The following ADORA1 variants were observed in gnomAD, a reference collection of about 807,000 sequenced individuals.
The protein encoded by ADORA1 is adenosine A1 receptor, also known as adenosine receptor A1.
In ADORA1, 6 loss-of-function variants were observed where a neutral mutation model predicts 19.9. The observed-to-expected ratio is 0.30, with a 90% CI of 0.17 to 0.59. The LOEUF (loss-of-function observed/expected upper bound fraction) is 0.59. ADORA1 is among the 20% of genes least tolerant of loss of function. ADORA1 has a pLI of 0.87. For synonymous variants in ADORA1, 194 were observed against 188.4 expected, an observed-to-expected ratio of 1.03 and a Z score of -0.24; for missense variants, 302 against 439.2, an observed-to-expected ratio of 0.69 and a Z score of 2.79.
chr1:203,129,148 G>T lies in ADORA1; in HGVS notation c.307G>T (p.Val103Leu). 5 of 1,613,648 alleles carry T rather than the reference G, an allele frequency of 3.1e-6. No individual in the cohort carries two copies. Among genetic ancestry groups the T allele is most frequent in the Non-Finnish European group, 2.5e-6 (3 of 1,179,778 alleles). The change falls in exon 3 of 4, where the codon GTG becomes TTG. Residue 103 changes from valine to leucine, a missense_variant. By Grantham distance (32) the Val-to-Leu change is conservative. Coordinates refer to ENST00000337894, the MANE Select transcript of ADORA1 (RefSeq NM_000674.3). The stretch of plus-strand genomic sequence containing the variant: ...CATCCTGGCCCTGCTGGCAATTGCT[G>T]TGGACCGCTACCTCCGGGTCAAGAT... Reference protein sequence around the residue: ...SSILALLAIAVDRYLRVKIPL... With the variant: ...SSILALLAIALDRYLRVKIPL...
intron 3 of ADORA1, among the ~76,000 whole-genome samples, chr1:203,138,864 G>A (rs1266924196): frequency 1.3e-5 from 2 of 152,174 alleles, no homozygotes; most frequent in Non-Finnish European, 1.5e-5. Context: ...TGTCACCCAG[G>A]CTGGAGTGTA....
Position 203,131,137 on chromosome 1 carries a change from A to G in ADORA1, c.341+1955A>G, listed in dbSNP as rs77242364. 1.9e-3 allele frequency among the ~76,000 whole-genome samples: 291 copies of G among 152,262 alleles called. 2 individuals carry two copies. Among genetic ancestry groups the G allele is most frequent in the East Asian group, 0.017 (88 of 5,194 alleles). The stretch of plus-strand genomic sequence containing the variant: ...TGCCTCATATATGCAAGCCATAGGG[A>G]GGTCTTATTTGTAGTTTTATTGTCA... On this transcript the variant is annotated intron_variant, in intron 3 of 3. Coordinates refer to ENST00000337894, the MANE Select transcript of ADORA1 (RefSeq NM_000674.3).
chr1:203,162,528 G>A (rs950458759), intron 3 of ADORA1, among the ~76,000 whole-genome samples: 4 of 152,148 alleles, frequency 2.6e-5, no homozygotes, highest in African/African-American at 9.7e-5. Context: ...TCCATAGGCT[G>A]GACGGCAGCA....
chr1:203,129,411 A>G (rs193002135), intron 3 of ADORA1, among the ~76,000 whole-genome samples: 38 of 152,210 alleles, frequency 2.5e-4, no homozygotes, highest in Non-Finnish European at 4.3e-4. Context: ...AGTGCCCATG[A>G]CCTCAGAGCT....
intron 3 of ADORA1, among the ~76,000 whole-genome samples, chr1:203,135,387 G>A (rs902775824): frequency 2.0e-5 from 3 of 152,084 alleles, no homozygotes; most frequent in Admixed American, 6.5e-5. Context: ...GGCTGGGCGC[G>A]GTGGCTCATG....
At chr1:203,139,261 G>A (rs760466340) in intron 3 of ADORA1, among the ~76,000 whole-genome samples, 6 of 152,322 alleles carry the variant, frequency 3.9e-5, no homozygotes, top group South Asian at 4.1e-4. Flanking sequence ...TGGGACATAC[G>A]TGGAGAGACA....
intron 3 of ADORA1, among the ~76,000 whole-genome samples, chr1:203,148,087 C>T (rs973358712): frequency 6.6e-6 from 1 of 152,078 alleles, no homozygotes; most frequent in East Asian, 1.9e-4. Flanking sequence ...GGCGTGGTGG[C>T]GGGCGCCTGT....
At chr1:203,147,312 C>A (rs959278727) in intron 3 of ADORA1, among the ~76,000 whole-genome samples, 6 of 152,164 alleles carry the variant, frequency 3.9e-5, no homozygotes, top group East Asian at 1.9e-4. Context: ...TGGTTCCTGG[C>A]CTTTTTTTTC....
intron 3 of ADORA1, among the ~76,000 whole-genome samples, chr1:203,155,244 G>A (rs1445562947): frequency 6.6e-6 from 1 of 152,086 alleles, no homozygotes; most frequent in Non-Finnish European, 1.5e-5. Flanking sequence ...GTTTCACCAT[G>A]TTGGCCAGGG....
At chr1:203,146,528 G>A (rs971502485) in intron 3 of ADORA1, among the ~76,000 whole-genome samples, 5 of 151,716 alleles carry the variant, frequency 3.3e-5, no homozygotes, top group African/African-American at 2.4e-5. Flanking sequence ...ACTTGAGAAA[G>A]TGAGGCAGGA....
intron 3 of ADORA1, among the ~76,000 whole-genome samples, chr1:203,163,788 G>A (rs1214724735): frequency 2.0e-5 from 3 of 152,098 alleles, no homozygotes; most frequent in African/African-American, 7.2e-5. Context: ...TAGGAGAAGC[G>A]TTGTCCGGGG....
Position 203,138,793 on chromosome 1 carries a change from G to A in ADORA1, c.341+9611G>A, listed in dbSNP as rs375313096. Among the ~76,000 whole-genome samples, 34 of 152,210 alleles carry A rather than the reference G, an allele frequency of 2.2e-4. No individual in the cohort carries two copies. The East Asian group carries it at 2.7e-3, about 12-fold the overall frequency. On this transcript the variant is annotated intron_variant, in intron 3 of 3. Transcript: ENST00000337894. ...AGTAGCTGTCAGGGGAAGTGGAAAC[G>A]AGCTGTCTTACTCTGGGATTTTATT...
At chr1:203,139,878 C>T (rs1654624338) in intron 3 of ADORA1, among the ~76,000 whole-genome samples, 1 of 152,272 alleles carries the variant, frequency 6.6e-6, no homozygotes. Flanking sequence ...TCCAGAGAGA[C>T]CCACAAGGGC....
chr1:203,139,336 G>A (rs951278018), intron 3 of ADORA1, among the ~76,000 whole-genome samples: 1 of 152,174 alleles, frequency 6.6e-6, no homozygotes, highest in African/African-American at 2.4e-5. Context: ...CGCAGATGCT[G>A]GTAGGTGAAG....
intron 3 of ADORA1, among the ~76,000 whole-genome samples, chr1:203,136,127 G>A (rs962092607): frequency 9.9e-5 from 15 of 152,142 alleles, no homozygotes; most frequent in Admixed American, 9.2e-4. Context: ...GGCTCCTTGG[G>A]CGGCATGAAT....
At position 203,166,154 on chromosome 1, in the gene ADORA1, G is replaced by A. The variant is rs1224576240; in HGVS notation, c.*254G>A. On this transcript the variant is annotated 3_prime_UTR_variant, in exon 4 of 4. Transcript: ENST00000337894. ...GGACCAGGTGTCTAGAGGCAACAGT[G>A]TTCTGAGCCCCCACCTGCCTGACCA... The A allele has an allele frequency of 1.0e-5, 4 of 400,218 alleles. No individual in the cohort carries two copies. Among genetic ancestry groups the A allele is most frequent in the Non-Finnish European group, 1.7e-5 (4 of 229,938 alleles). The allele number at this position is 400,218 out of a possible 1,614,324, so 24.8% of individuals were successfully genotyped here. A position where few individuals can be genotyped will look rare whatever the true frequency, so the allele number is the denominator to read the frequency against.
rs374201654 is a variant in ADORA1 at position 203,165,283 on chromosome 1, C to T, written c.364C>T (p.Arg122Trp). 25 of 1,572,916 alleles carry T rather than the reference C, an allele frequency of 1.6e-5. No homozygotes were observed. The Middle Eastern group carries it at 5.1e-4, about 32-fold the overall frequency. Residue 122 changes from arginine to tryptophan, a missense_variant, in exon 4 of 4, where the codon CGG becomes TGG. Arg to Trp is a moderately radical substitution (Grantham distance 101). Transcript: ENST00000337894. The surrounding 1 kb of genome is among the most constrained non-coding windows in gnomAD (Gnocchi z 5.9). ...PLRYKMVVTP[R>W]RAAVAIAGCW... ...CAGGTACAAGATGGTGGTGACCCCC[C>T]GGAGGGCGGCGGTGGCCATAGCCGG... is the stretch of plus-strand genomic sequence containing the variant.
At chr1:203,159,246 T>C (rs1391450117) in intron 3 of ADORA1, among the ~76,000 whole-genome samples, 1 of 152,186 alleles carries the variant, frequency 6.6e-6, no homozygotes, top group Non-Finnish European at 1.5e-5. Context: ...TGCAACACAT[T>C]CTCCACACAG....
intron 3 of ADORA1, chr1:203,164,971 T>C: frequency 1.4e-6 from 2 of 1,464,090 alleles, no homozygotes; most frequent in Non-Finnish European, 9.3e-7. Context: ...TTTACTGTGG[T>C]CATTTCCTTG....
Sources: allele counts gnomAD v4.1 joint callset (sites outside exome capture counted in the v4.1 genomes callset), GRCh38; gene constraint gnomAD v4.1.1; non-coding constraint Gnocchi (gnomAD v3.1); transcripts MANE v1.5; gene names NCBI Gene and HGNC (gene_info 2026-07-23, HGNC 2026-07-21).